Variants in C2orf76 observed in about 807,000 individuals in gnomAD.
C2orf76 encodes the protein chromosome 2 open reading frame 76, also known as UPF0538 protein C2orf76.
Under a neutral mutation model 16.9 loss-of-function variants are expected in C2orf76, and 23 were observed. The ratio of observed to expected loss-of-function variants is 1.36; its 90% CI spans 0.98 to 1.93. The LOEUF (loss-of-function observed/expected upper bound fraction) is 1.93, where lower values mean the gene tolerates loss of function less well. Among genes scored for constraint, C2orf76 ranks in the 30% most tolerant of loss-of-function variants. The pLI, the probability that C2orf76 is intolerant of heterozygous loss-of-function variation, is 0.00. For synonymous variants in C2orf76, 48 were observed against 52.3 expected (o/e 0.92, Z 0.35); for missense variants, 152 against 152.6 (o/e 1.00, Z 0.02).
intron 2 of C2orf76, among the ~76,000 whole-genome samples, chr2:119,336,981 A>T (rs1382968400): frequency 1.3e-5 from 2 of 152,160 alleles, no homozygotes; most frequent in Non-Finnish European, 2.9e-5. Context: ...TTTGACACTT[A>T]ACATGCCTGG....
At chr2:119,284,823 C>T in the C2orf76 span, among the ~76,000 whole-genome samples, 12 of 151,838 alleles carry the variant, frequency 7.9e-5, no homozygotes, top group African/African-American at 1.7e-4. Flanking sequence ...ATTTTGTAAA[C>T]GATTTAACCC....
At chr2:119,281,698 T>A in the C2orf76 span, among the ~76,000 whole-genome samples, 2 of 152,068 alleles carry the variant, frequency 1.3e-5, no homozygotes, top group Non-Finnish European at 2.9e-5. Context: ...AGTTACAACC[T>A]CAAAATAAAT....
At chr2:119,324,015 G>A (rs983823373) in intron 2 of C2orf76, among the ~76,000 whole-genome samples, 1 of 152,152 alleles carries the variant, frequency 6.6e-6, no homozygotes, top group Non-Finnish European at 1.5e-5. Flanking sequence ...TATTCTTCTT[G>A]TGTCTCCATT....
At chr2:119,328,273 T>C (rs1558785334) in intron 2 of C2orf76, among the ~76,000 whole-genome samples, 2 of 152,218 alleles carry the variant, frequency 1.3e-5, no homozygotes, top group Non-Finnish European at 2.9e-5. Context: ...TGTGGAAGTA[T>C]TTTTTAACCA....
Position 119,339,845 on chromosome 2 carries a change from T to C in C2orf76, c.115A>G (p.Ile39Val), listed in dbSNP as rs1041842487. ...VNLDQTVKEF[I>V]VFLKQDIPLR... ...CTCATACCTTGCTTTAGAAATACGA[T>C]AAATTCCTTTACAGTTTGGTCCAAA... Residue 39 changes from isoleucine (I) to valine (V), a missense_variant, in exon 2 of 6, where the codon ATC (isoleucine) becomes GTC (valine). By Grantham distance (29) the Ile-to-Val change is conservative. Coordinates refer to ENST00000334816, the MANE Select transcript of C2orf76 (RefSeq NM_001322331.2). The C allele has an allele frequency of 5.6e-6, 9 of 1,603,756 alleles. No homozygotes were observed. The highest frequency in any genetic ancestry group is 7.7e-6 in the Non-Finnish European group (9 of 1,171,578).
Position 119,309,404 on chromosome 2 carries a change from T to C in C2orf76, c.304+2218A>G, listed in dbSNP as rs1432047279. ...TTTCTTTTTTTCTCTTTTTCTTTTTTTTTTTTTTTTTTTTTTTTTTGAGAT... is the reference window on the plus strand; with the variant it reads ...TTTCTTTTTTTCTCTTTTTCTTTTTCTTTTTTTTTTTTTTTTTTTTGAGAT... On this transcript the variant is annotated intron_variant, in intron 5 of 5. Transcript: ENST00000334816. 1.2e-4 allele frequency among the ~76,000 whole-genome samples: 15 copies of C among 126,320 alleles called. No homozygotes were observed. In the East Asian group the frequency reaches 2.5e-3, roughly 21 times the overall value. The allele number at this position is 126,320 out of a possible 152,430, so 82.9% of individuals were successfully genotyped here.
intron 5 of C2orf76, among the ~76,000 whole-genome samples, chr2:119,304,680 A>C (rs1360694688): frequency 1.3e-5 from 2 of 152,234 alleles, no homozygotes; most frequent in African/African-American, 4.8e-5. Flanking sequence ...GAAAACACAC[A>C]AATTAAAATT....
Position 119,302,502 on chromosome 2 carries a change from G to C in C2orf76, c.351C>G (p.Asn117Lys). ...AGGATGAAATGGGATTAGCTTTGTA[G>C]TTCTTATAATCTTCTTCACAGAAGA... is the stretch of plus-strand genomic sequence containing the variant. ...IAFFCEEDYK[N>K]YKANPISSW The change falls in exon 6 of 6, where the codon AAC becomes AAG. Residue 117 changes from asparagine (N) to lysine (K), a missense_variant. Asn to Lys is a moderately conservative substitution (Grantham distance 94, BLOSUM62 0). Coordinates refer to ENST00000334816, the MANE Select transcript of C2orf76 (RefSeq NM_001322331.2). 1 of 1,506,600 alleles carries C rather than the reference G, an allele frequency of 6.6e-7. No individual in the cohort carries two copies. Among genetic ancestry groups the C allele is most frequent in the Non-Finnish European group, 9.1e-7 (1 of 1,103,576 alleles). 93.3% of individuals were successfully genotyped at this position (1,506,600 alleles called of 1,614,324 possible).
intron 2 of C2orf76, among the ~76,000 whole-genome samples, chr2:119,328,051 G>A (rs1192954799): frequency 6.6e-6 from 1 of 151,516 alleles, no homozygotes; most frequent in Non-Finnish European, 1.5e-5. Context: ...TTAAGAGACA[G>A]TATCTCGCTA....
rs147980384 is a variant in C2orf76 at position 119,333,741 on chromosome 2, C to T, written c.133+6086G>A. 3.9e-3 allele frequency among the ~76,000 whole-genome samples: 601 copies of T among 152,342 alleles called. 4 individuals carry two copies. The highest frequency in any genetic ancestry group is 0.013 in the African/African-American group (550 of 41,572). On this transcript the variant is annotated intron_variant, in intron 2 of 5. Transcript: ENST00000334816. ...CTACATGGTAATCCTGCCAAAACTG[C>T]TTAACCCGAACCTAATCATGAGAAA...
chr2:119,292,096 T>C, the C2orf76 span, among the ~76,000 whole-genome samples: 1 of 152,160 alleles, frequency 6.6e-6, no homozygotes, highest in African/African-American at 2.4e-5. Flanking sequence ...ATGATTCCAA[T>C]ATATGCAAAA....
intron 1 of C2orf76, among the ~76,000 whole-genome samples, chr2:119,346,658 T>C (rs558134110): frequency 1.1e-4 from 16 of 152,280 alleles, no homozygotes; most frequent in African/African-American, 3.6e-4. Flanking sequence ...AGAGGTGTCA[T>C]GTCTGTGGCT....
chr2:119,357,272 C>T (rs1680600809), intron 1 of C2orf76, among the ~76,000 whole-genome samples: 1 of 151,792 alleles, frequency 6.6e-6, no homozygotes, highest in South Asian at 2.1e-4. Flanking sequence ...CAACAACAGA[C>T]CAATATCCCT....
chr2:119,316,052 T>C (rs2104556713), intron 4 of C2orf76, among the ~76,000 whole-genome samples: 1 of 152,376 alleles, frequency 6.6e-6, no homozygotes, highest in South Asian at 2.1e-4. Context: ...GGACTTGCTT[T>C]GCTTTACAAC....
chr2:119,364,035 GAGAGAGAC>G (rs1252845421), intron 1 of C2orf76, among the ~76,000 whole-genome samples: 5 of 148,028 alleles, frequency 3.4e-5, no homozygotes, highest in East Asian at 3.9e-4. Context: ...TAGAGAGAGA[GAGAGAGAC>G]AGACAGACAG....
chr2:119,360,963 G>A (rs1011251388), intron 1 of C2orf76, among the ~76,000 whole-genome samples: 2 of 152,244 alleles, frequency 1.3e-5, no homozygotes, highest in African/African-American at 4.8e-5. Flanking sequence ...AGTTGTGGTT[G>A]CCAGGGGCTA....
chr2:119,296,445 C>T, the C2orf76 span, among the ~76,000 whole-genome samples: 1 of 152,142 alleles, frequency 6.6e-6, no homozygotes, highest in Non-Finnish European at 1.5e-5. Context: ...AAAAAGATGA[C>T]AAGATTGCTG....
intron 1 of C2orf76, among the ~76,000 whole-genome samples, chr2:119,354,394 A>C (rs527723633): frequency 6.6e-6 from 1 of 152,274 alleles, no homozygotes; most frequent in African/African-American, 2.4e-5. Context: ...GCGTGGTGGC[A>C]CGCTCCTGTA....
At chr2:119,352,665 T>A (rs948248362) in intron 1 of C2orf76, among the ~76,000 whole-genome samples, 1 of 152,240 alleles carries the variant, frequency 6.6e-6, no homozygotes, top group African/African-American at 2.4e-5. Context: ...TGGTTAGAGC[T>A]CTCTGAACCT....
Sources: allele counts gnomAD v4.1 joint callset (sites outside exome capture counted in the v4.1 genomes callset), GRCh38; gene constraint gnomAD v4.1.1; transcripts MANE v1.5; gene names NCBI Gene and HGNC (gene_info 2026-07-23, HGNC 2026-07-21).